Variants in EIF3E observed in about 807,000 individuals in gnomAD.
EIF3E encodes eukaryotic translation initiation factor 3 subunit E, also known as eIF-3 p48.
Under a neutral mutation model 59.3 loss-of-function variants are expected in EIF3E, and 25 were observed. The ratio of observed to expected loss-of-function variants is 0.42; its 90% CI spans 0.31 to 0.59. The LOEUF (loss-of-function observed/expected upper bound fraction) is 0.59, where lower values mean the gene tolerates loss of function less well. EIF3E is among the 20% of genes least tolerant of loss of function. EIF3E has a pLI of 0.15. For missense variants in EIF3E, 317 were observed against 534.3 expected, an observed-to-expected ratio of 0.59 and a Z score of 4.01; for synonymous variants, 176 against 170.2, an observed-to-expected ratio of 1.03 and a Z score of -0.26.
In EIF3E at chr8:108,225,272, T is replaced by A. The variant is rs576866706; in HGVS notation, c.722+2995A>T. 4.6e-5 allele frequency among the ~76,000 whole-genome samples: 7 copies of A among 151,732 alleles called. No individual in the cohort carries two copies. In the South Asian group the frequency reaches 1.4e-3, roughly 31 times the overall value. Reference sequence around the variant, plus strand: ...TAAAATTAGAGCTTTCAAGAAAAACTAGAATTTTGGAAAATTTGTATCAGC... The same window carrying A: ...TAAAATTAGAGCTTTCAAGAAAAACAAGAATTTTGGAAAATTTGTATCAGC... On this transcript the variant is annotated intron_variant, in intron 7 of 12. Transcript: ENST00000220849.
intron 10 of EIF3E, among the ~76,000 whole-genome samples, chr8:108,213,111 T>C (rs1195570693): frequency 6.6e-6 from 1 of 152,202 alleles, no homozygotes; most frequent in East Asian, 1.9e-4. Flanking sequence ...ATTAACTTCT[T>C]TGAGCTGCAC....
intron 7 of EIF3E, 47 bp from the exon 8 acceptor site, chr8:108,217,507 T>A: frequency 2.7e-6 from 4 of 1,504,148 alleles, no homozygotes; most frequent in Non-Finnish European, 3.6e-6. Flanking sequence ...CAGGGTGAGA[T>A]AAAGAAAACT....
intron 12 of EIF3E, 135 bp from the exon 13 acceptor site, chr8:108,202,058 G>GC: frequency 1.2e-5 from 8 of 668,424 alleles, no homozygotes; most frequent in Non-Finnish European, 1.8e-5. Flanking sequence ...CTTAACTCCT[G>GC]CAATTACTAG....
intron 3 of EIF3E, among the ~76,000 whole-genome samples, chr8:108,237,370 G>A (rs1815753396): frequency 6.6e-6 from 1 of 152,060 alleles, no homozygotes; most frequent in African/African-American, 2.4e-5. Context: ...TCCTGCCTCA[G>A]CCTCCCAAGT....
rs1815051158 is a variant in EIF3E, at chr8:108,204,338, G to GTA, written c.1062-837_1062-836dup. Among the ~76,000 whole-genome samples the GTA allele has an allele frequency of 3.9e-5, 6 of 152,038 alleles. No individual in the cohort carries two copies. In the South Asian group the frequency reaches 1.2e-3, roughly 31 times the overall value. On this transcript the variant is annotated intron_variant, in intron 10 of 12. Transcript: ENST00000220849. Reference sequence around the variant, plus strand: ...CTAATGAGTGGATAAAGTAAATCTGGTATATATAAACCATGGAATACTACT... The same window carrying GTA: ...CTAATGAGTGGATAAAGTAAATCTGGTATATATATAAACCATGGAATACTACT...
intron 10 of EIF3E, among the ~76,000 whole-genome samples, chr8:108,214,081 T>A (rs13266270): frequency 0.044 from 6,633 of 152,268 alleles, 252 homozygotes; most frequent in African/African-American, 0.1. Flanking sequence ...TTTCCCAATA[T>A]TTTCTGACAA....
rs548710486 is a variant in EIF3E at position 108,223,595 on chromosome 8, C to T, written c.722+4672G>A. Reference sequence around the variant, plus strand: ...CTCTTTTACTAACTGAACTTTGCATCTTTCTTTCTACAAGTGGAGAGTAAT... The same window carrying T: ...CTCTTTTACTAACTGAACTTTGCATTTTTCTTTCTACAAGTGGAGAGTAAT... On this transcript the variant is annotated intron_variant, in intron 7 of 12. Coordinates refer to ENST00000220849, the MANE Select transcript of EIF3E (RefSeq NM_001568.3). Among the ~76,000 whole-genome samples the T allele has an allele frequency of 7.2e-5, 11 of 152,288 alleles. No individual in the cohort carries two copies. The East Asian group carries it at 1.7e-3, about 24-fold the overall frequency.
intron 8 of EIF3E, 141 bp downstream of exon 8, chr8:108,217,193 T>C: frequency 1.5e-6 from 1 of 652,078 alleles, no homozygotes; most frequent in Non-Finnish European, 2.4e-6. Context: ...GAGGGTCTTC[T>C]CTTTTCTAAA....
At chr8:108,228,480 T>C in intron 6 of EIF3E, 89 bp from the exon 7 acceptor site, 1 of 1,069,790 alleles carries the variant, frequency 9.3e-7, no homozygotes, top group Non-Finnish European at 1.2e-6. Flanking sequence ...AAACTGTAAT[T>C]AAAAATGAGC....
intron 7 of EIF3E, among the ~76,000 whole-genome samples, chr8:108,218,867 T>G (rs538262410): frequency 1.4e-5 from 2 of 140,370 alleles, no homozygotes; most frequent in African/African-American, 2.6e-5. Flanking sequence ...CACTGAAACC[T>G]CCGCTTCCCA....
At chr8:108,225,955 ATT>A (rs1223197591) in intron 7 of EIF3E, among the ~76,000 whole-genome samples, 4 of 152,198 alleles carry the variant, frequency 2.6e-5, no homozygotes, top group African/African-American at 9.7e-5. Context: ...AAAATTTTTA[ATT>A]TGTTTTGATT....
chr8:108,229,354 T>C, intron 5 of EIF3E, 159 bp from the exon 6 acceptor site: 1 of 640,620 alleles, frequency 1.6e-6, no homozygotes, highest in Non-Finnish European at 2.4e-6. Context: ...CACTGGTTTG[T>C]TTCAAAAAAC....
intron 1 of EIF3E, chr8:108,243,174 G>A (rs565197692): frequency 1.3e-5 from 2 of 152,280 alleles, no homozygotes; most frequent in East Asian, 3.9e-4. Flanking sequence ...AAAACATGAT[G>A]ACTCACAAAC....
rs1814988820 is a variant in EIF3E at position 108,201,250 on chromosome 8, C to CATTATATATATAT, written c.*634_*635insATATATATATAAT. The CATTATATATATAT allele has an allele frequency of 1.6e-5, 2 of 122,892 alleles. No homozygotes were observed. Among genetic ancestry groups the CATTATATATATAT allele is most frequent in the Admixed American group, 1.6e-4 (2 of 12,558 alleles). 7.6% of individuals were successfully genotyped at this position (122,892 alleles called of 1,614,324 possible). A position where few individuals can be genotyped will look rare whatever the true frequency, so the allele number is the denominator to read the frequency against. The stretch of plus-strand genomic sequence containing the variant: ...AATAAAAAAGGAATTAACTACTGAT[C>CATTATATATATAT]ATATATATATATATATCTATCTCTC... On this transcript the variant is annotated 3_prime_UTR_variant, in exon 13 of 13. Transcript: ENST00000220849.
At chr8:108,217,128 T>C (rs1052622963) in intron 8 of EIF3E, among the ~76,000 whole-genome samples, 1 of 152,176 alleles carries the variant, frequency 6.6e-6, no homozygotes, top group Non-Finnish European at 1.5e-5. Context: ...GTAATAATCA[T>C]TCCTACCACA....
intron 5 of EIF3E, chr8:108,234,554 C>T (rs926250567): frequency 6.6e-6 from 1 of 152,238 alleles, no homozygotes; most frequent in Admixed American, 6.6e-5. Flanking sequence ...TAAAATATTT[C>T]ACATACCGTT....
intron 5 of EIF3E, among the ~76,000 whole-genome samples, chr8:108,233,836 CAAAAAAAAAAAAAA>C (rs35065360): frequency 9.5e-5 from 7 of 74,024 alleles, no homozygotes; most frequent in Admixed American, 1.9e-4. Context: ...GACCCTGTCT[CAAAAAAAAAAAAAA>C]AAAAAAAAAA....
chr8:108,243,638 G>GAAAAAAAAAA (rs779684560), intron 1 of EIF3E, among the ~76,000 whole-genome samples: 27 of 70,968 alleles, frequency 3.8e-4, no homozygotes, highest in Non-Finnish European at 5.6e-4. Context: ...CAAAAAAAAA[G>GAAAAAAAAAA]AAAAAAAAAA....
At chr8:108,232,388 GT>G (rs1343236876) in intron 5 of EIF3E, among the ~76,000 whole-genome samples, 1 of 152,090 alleles carries the variant, frequency 6.6e-6, no homozygotes, top group Non-Finnish European at 1.5e-5. Flanking sequence ...CTTAGTGTTT[GT>G]ATCACAGTAT....
Sources: allele counts gnomAD v4.1 joint callset (sites outside exome capture counted in the v4.1 genomes callset), GRCh38; gene constraint gnomAD v4.1.1; transcripts MANE v1.5; gene names NCBI Gene and HGNC (gene_info 2026-07-23, HGNC 2026-07-21).